ADGRF4: variants seen among roughly 807,000 people sequenced by gnomAD.
The protein encoded by ADGRF4 is adhesion G protein-coupled receptor F4.
A neutral mutation model predicts 58.5 loss-of-function variants in ADGRF4; 63 were observed. The ratio of observed to expected loss-of-function variants is 1.08; its 90% CI spans 0.88 to 1.33. The LOEUF (loss-of-function observed/expected upper bound fraction) is 1.33. Among genes scored for constraint, ADGRF4 ranks in the 40% most tolerant of loss-of-function variants. The pLI is 0.00. For missense variants in ADGRF4, 931 were observed against 843.9 expected, an observed-to-expected ratio of 1.10 and a Z score of -1.28; for synonymous variants, 313 against 295.4, an observed-to-expected ratio of 1.06 and a Z score of -0.61.
intron 1 of ADGRF4, among the ~76,000 whole-genome samples, chr6:47,699,937 C>A (rs1026095643): frequency 4.0e-5 from 6 of 151,348 alleles, no homozygotes; most frequent in East Asian, 1.9e-4. Flanking sequence ...CGACACACCC[C>A]CCCCCCCAAA....
intron 1 of ADGRF4, among the ~76,000 whole-genome samples, chr6:47,699,185 T>G (rs1329533): frequency 0.94 from 143,129 of 152,258 alleles, 67,885 homozygotes; most frequent in East Asian, 1. Flanking sequence ...CTTCTTTTAG[T>G]GAGCCTGAAA....
chr6:47,713,819 C>A lies in ADGRF4; in HGVS notation c.574C>A (p.His192Asn). 1 of 1,559,078 alleles carries A rather than the reference C, an allele frequency of 6.4e-7. No homozygotes were observed. Among genetic ancestry groups the A allele is most frequent in the Non-Finnish European group, 8.7e-7 (1 of 1,154,302 alleles). The change falls in exon 6 of 10, where the codon CAC becomes AAC. Residue 192 changes from histidine to asparagine, a missense_variant. Transcript: ENST00000283303. ...GCAGAGCTATAGTGAAGTGGCCAAC[C>A]ACATCCTCGACACAGCAGCCATTTC... ...KMKSYSEVAN[H>N]ILDTAAISNW...
chr6:47,713,633 T>C (rs1388568707), intron 5 of ADGRF4, among the ~76,000 whole-genome samples, 165 bp from the exon 6 acceptor site: 1 of 152,226 alleles, frequency 6.6e-6, no homozygotes, highest in East Asian at 1.9e-4. Context: ...TTTTCTTCCC[T>C]CTGTGTGGCC....
In ADGRF4 at chr6:47,712,580, CT is replaced by C; in HGVS notation, c.525del (p.Asp176IlefsTer8). 1.3e-6 allele frequency: 2 copies of C among 1,582,140 alleles called. No individual in the cohort carries two copies. The highest frequency in any genetic ancestry group is 1.7e-6 in the Non-Finnish European group (2 of 1,150,990). On this transcript the variant is annotated frameshift_variant, in exon 5 of 10. Coordinates refer to ENST00000283303, the MANE Select transcript of ADGRF4 (RefSeq NM_153838.5). LOFTEE classifies it high-confidence loss of function. ...TTAAAAAATATTTCTACAGACTTGTCTGATAATGTTACTCGAGAGAAAATGA... is the reference window on the plus strand; with the variant it reads ...TTAAAAAATATTTCTACAGACTTGTCGATAATGTTACTCGAGAGAAAATGA... ...ELLKNISTDL[S>X]DNVTREKMKS...
intron 1 of ADGRF4, among the ~76,000 whole-genome samples, chr6:47,705,217 G>A (rs1025705287): frequency 3.3e-5 from 5 of 152,190 alleles, no homozygotes; most frequent in African/African-American, 7.2e-5. Flanking sequence ...ATGAGTTGCC[G>A]TGCCCGGCCT....
At chr6:47,701,369 G>A (rs148290114) in intron 1 of ADGRF4, among the ~76,000 whole-genome samples, 1 of 152,226 alleles carries the variant, frequency 6.6e-6, no homozygotes, top group African/African-American at 2.4e-5. Flanking sequence ...AGGAACCTGC[G>A]ACGTGACTTT....
Position 47,714,522 on chromosome 6 carries a change from T to C in ADGRF4, c.1277T>C (p.Val426Ala), listed in dbSNP as rs535346459. The change falls in exon 6 of 10, where the codon GTG becomes GCG. Residue 426 changes from valine (V) to alanine (A), a missense_variant. Coordinates refer to ENST00000283303, the MANE Select transcript of ADGRF4 (RefSeq NM_153838.5). ...CTTTGCCTGATCATTGAAGCCACAGTGTGGTCCCGGGTGGTTGTGACGGAG... is the reference window on the plus strand; with the variant it reads ...CTTTGCCTGATCATTGAAGCCACAGCGTGGTCCCGGGTGGTTGTGACGGAG... ...LVLCLIIEATVWSRVVVTEIS... is the reference protein window; with the variant it reads ...LVLCLIIEATAWSRVVVTEIS... 3.0e-4 allele frequency: 490 copies of C among 1,614,114 alleles called. 7 individuals are homozygous for C. In the South Asian group the frequency reaches 5.3e-3, roughly 17 times the overall value.
chr6:47,716,682 G>A lies in ADGRF4; in HGVS notation c.1933-124G>A, dbSNP rs1772027308. 16 of 733,916 alleles carry A rather than the reference G, an allele frequency of 2.2e-5. No individual in the cohort carries two copies. The South Asian group carries it at 2.2e-4, about 10-fold the overall frequency. 45.5% of individuals were successfully genotyped at this position (733,916 alleles called of 1,614,324 possible). ...TCAGTGCATTTTTATCTGCATTAGT[G>A]GAAACTGAACTTTCTAATGTCCAAT... On this transcript the variant is annotated intron_variant, in intron 6 of 9. Coordinates refer to ENST00000283303, the MANE Select transcript of ADGRF4 (RefSeq NM_153838.5).
rs758907369 is a variant in ADGRF4 at position 47,718,364 on chromosome 6, C to A, written c.2035-25C>A. On this transcript the variant is annotated intron_variant, in intron 8 of 9. Coordinates refer to ENST00000283303, the MANE Select transcript of ADGRF4 (RefSeq NM_153838.5). ...TTGTCAATATAATTACTCATTACCA[C>A]TACTGTTATTTTTCCCCCACTTAGA... 26 of 1,256,922 alleles carry A rather than the reference C, an allele frequency of 2.1e-5. 1 individual carries two copies. In the East Asian group the frequency reaches 5.1e-4, roughly 25 times the overall value. 77.9% of individuals were successfully genotyped at this position (1,256,922 alleles called of 1,614,324 possible).
chr6:47,713,479 C>T (rs961285151), intron 5 of ADGRF4, among the ~76,000 whole-genome samples: 2 of 152,160 alleles, frequency 1.3e-5, no homozygotes, highest in African/African-American at 2.4e-5. Flanking sequence ...GACCAGAGAA[C>T]ATACCTCCAC....
chr6:47,719,346 A>G (rs1475485987), intron 9 of ADGRF4, among the ~76,000 whole-genome samples: 1 of 152,114 alleles, frequency 6.6e-6, no homozygotes, highest in African/African-American at 2.4e-5. Flanking sequence ...ATATACATGG[A>G]GTGGCATGTG....
At position 47,721,543 on chromosome 6, in the gene ADGRF4, G is replaced by C. The variant is rs1772158956; in HGVS notation, c.*338G>C. ...GCTGGGGGCTGTAGGGCCCTGCTGG[G>C]CTTGGTCGTCTTTCACTCCTGAGGC... On this transcript the variant is annotated 3_prime_UTR_variant, in exon 10 of 10. Coordinates refer to ENST00000283303, the MANE Select transcript of ADGRF4 (RefSeq NM_153838.5). The C allele has an allele frequency of 6.6e-6, 1 of 152,152 alleles. No homozygotes were observed. The highest frequency in any genetic ancestry group is 6.5e-5 in the Admixed American group (1 of 15,272). 9.4% of individuals were successfully genotyped at this position (152,152 alleles called of 1,614,324 possible).
chr6:47,708,083 A>G (rs1771764344), intron 2 of ADGRF4, 141 bp from the exon 3 acceptor site: 2 of 632,102 alleles, frequency 3.2e-6, no homozygotes, highest in South Asian at 1.9e-5. Context: ...AAGTTACCGC[A>G]ATACCAGCAC....
intron 5 of ADGRF4, 62 bp from the exon 6 acceptor site, chr6:47,713,735 GA>G: frequency 7.6e-7 from 1 of 1,317,750 alleles, no homozygotes; most frequent in Admixed American, 2.7e-5. Context: ...TCAGGTTTTA[GA>G]AATCAACTTT....
At chr6:47,715,917 C>A (rs2113906912) in intron 6 of ADGRF4, among the ~76,000 whole-genome samples, 1 of 151,940 alleles carries the variant, frequency 6.6e-6, no homozygotes, top group Middle Eastern at 3.4e-3. Context: ...TCTGTAGTAA[C>A]TATAGAGCAC....
intron 4 of ADGRF4, among the ~76,000 whole-genome samples, chr6:47,711,478 G>A (rs1771870944): frequency 6.6e-6 from 1 of 152,176 alleles, no homozygotes; most frequent in South Asian, 2.1e-4. Flanking sequence ...GGCCAGGATG[G>A]TCTTGATCTC....
chr6:47,710,707 CT>C, intron 3 of ADGRF4, 27 bp from the exon 4 acceptor site: 1 of 1,525,200 alleles, frequency 6.6e-7, no homozygotes, highest in South Asian at 1.2e-5. Flanking sequence ...GCTCCTGTCT[CT>C]CTCTCTTTCT....
chr6:47,699,361 T>C (rs950224137), intron 1 of ADGRF4, among the ~76,000 whole-genome samples: 4 of 152,212 alleles, frequency 2.6e-5, no homozygotes, highest in Admixed American at 2.6e-4. Flanking sequence ...GTTGCATCAT[T>C]AGGTGCTGTT....
intron 1 of ADGRF4, among the ~76,000 whole-genome samples, chr6:47,702,135 G>T (rs1204612214): frequency 2.0e-5 from 3 of 152,202 alleles, no homozygotes; most frequent in African/African-American, 7.2e-5. Context: ...CACTGCGCCT[G>T]GCCTAGAATT....
Sources: gnomAD v4.1 joint callset for allele counts (sites outside exome capture counted in the v4.1 genomes callset) on GRCh38, gnomAD v4.1.1 for gene constraint, MANE v1.5 for transcripts, NCBI Gene and HGNC (gene_info 2026-07-23, HGNC 2026-07-21) for gene names.